Variants in DAB1 observed in about 807,000 individuals in gnomAD.
DAB1 encodes DAB adaptor protein 1, also known as disabled homolog 1.
In DAB1, 15 loss-of-function variants were observed where a neutral mutation model predicts 64.6. That is an observed-to-expected ratio of 0.23 (90% CI 0.16 to 0.36). The LOEUF is 0.36. Ranked by LOEUF, DAB1 falls within the 10% of genes least tolerant of loss-of-function variation. The probability of loss-of-function intolerance (pLI) is 1.00; values close to 1 mark genes in which losing one functional copy is unlikely to be tolerated. For synonymous variants in DAB1, 235 were observed against 251.9 expected (o/e 0.93, Z 0.64); for missense variants, 596 against 706.7 (o/e 0.84, Z 1.78).
intron 1 of DAB1, among the ~76,000 whole-genome samples, chr1:58,538,205 G>C (rs748457284): frequency 1.3e-5 from 2 of 152,000 alleles, no homozygotes; most frequent in Non-Finnish European, 2.9e-5. Flanking sequence ...ACAAACAAGA[G>C]AAAAAGGGTT....
intron 1 of DAB1, among the ~76,000 whole-genome samples, chr1:58,536,902 A>G (rs1372260860): frequency 6.6e-6 from 1 of 152,208 alleles, no homozygotes; most frequent in Non-Finnish European, 1.5e-5. Context: ...TCTTAGCTAA[A>G]TGATGAAAAA....
chr1:57,576,269 T>C (rs1039132849), intron 7 of DAB1, among the ~76,000 whole-genome samples: 1 of 152,160 alleles, frequency 6.6e-6, no homozygotes, highest in Non-Finnish European at 1.5e-5. Flanking sequence ...TGAGATTTGG[T>C]AGGTTAGGTG....
At chr1:57,562,387 C>T (rs1258975232) in intron 7 of DAB1, among the ~76,000 whole-genome samples, 1 of 152,078 alleles carries the variant, frequency 6.6e-6, no homozygotes, top group Non-Finnish European at 1.5e-5. Context: ...AAAACAAAAA[C>T]AAAACAAAAC....
chr1:58,216,492 G>A (rs574845540), intron 4 of DAB1, among the ~76,000 whole-genome samples: 55 of 152,236 alleles, frequency 3.6e-4, no homozygotes, highest in African/African-American at 1.3e-3. Context: ...ATAAACATAT[G>A]TGTGCATGTG....
At chr1:58,404,856 C>G (rs1644602070) in intron 3 of DAB1, among the ~76,000 whole-genome samples, 1 of 152,170 alleles carries the variant, frequency 6.6e-6, no homozygotes, top group South Asian at 2.1e-4. Flanking sequence ...AGTCCATCCA[C>G]TCTCCTTCCT....
chr1:57,110,476 T>C (rs1655555645), intron 4 of DAB1, among the ~76,000 whole-genome samples: 1 of 152,232 alleles, frequency 6.6e-6, no homozygotes, highest in African/African-American at 2.4e-5. Context: ...GTAAATTCAT[T>C]CAGTGACAAC....
At chr1:58,480,848 T>C (rs1465513701) in intron 3 of DAB1, 6 of 648,434 alleles carry the variant, frequency 9.3e-6, no homozygotes, top group African/African-American at 9.1e-5. Flanking sequence ...GTAATGTACA[T>C]GATTTGACCC....
chr1:58,314,024 A>T (rs1662493935), intron 4 of DAB1, among the ~76,000 whole-genome samples: 1 of 152,018 alleles, frequency 6.6e-6, no homozygotes, highest in Admixed American at 6.6e-5. Flanking sequence ...CTAACCTAAT[A>T]TCATAATTTT....
Position 58,164,379 on chromosome 1 carries a change from A to G in DAB1, n.310-13791T>C, listed in dbSNP as rs138398640. Among the ~76,000 whole-genome samples the G allele has an allele frequency of 4.5e-4, 69 of 152,304 alleles. 1 individual carries two copies. The highest frequency in any genetic ancestry group is 1.5e-3 in the African/African-American group (64 of 41,554). ...TTGGGAGATACTGAAATCAGTGGTG[A>G]GTATGTGTCAGCAAAGAACATATCA... On this transcript the variant is annotated intron_variant and non_coding_transcript_variant, in intron 4 of 20. Transcript: ENST00000485760.
In DAB1 at chr1:57,701,434, C is replaced by G. The variant is rs540084851; in HGVS notation, n.552-51769G>C. On this transcript the variant is annotated intron_variant and non_coding_transcript_variant, in intron 6 of 20. Coordinates refer to the DAB1 transcript ENST00000485760. ...ATGGATGAAGCTGAAAACCATCATT[C>G]TCAGCAAACTATCGCAAGGACAAAA... 2.1e-3 allele frequency among the ~76,000 whole-genome samples: 325 copies of G among 152,192 alleles called. 1 individual carries two copies. Among genetic ancestry groups the G allele is most frequent in the African/African-American group, 7.2e-3 (300 of 41,526 alleles).
chr1:57,589,762 G>GA (rs1645422121), intron 7 of DAB1, among the ~76,000 whole-genome samples: 1 of 150,684 alleles, frequency 6.6e-6, no homozygotes, highest in African/African-American at 2.4e-5. Flanking sequence ...GTCTCAAGAA[G>GA]AAAAAAAAGC....
rs138715325 is a variant in DAB1 at position 57,747,311 on chromosome 1, T to C, written n.552-97646A>G. Reference sequence around the variant, plus strand: ...GTTGTCCTTCTCCTTCCTGTCCTCTTTGTACCCTTATCCATAACTTTCTTG... The same window carrying C: ...GTTGTCCTTCTCCTTCCTGTCCTCTCTGTACCCTTATCCATAACTTTCTTG... On this transcript the variant is annotated intron_variant and non_coding_transcript_variant, in intron 6 of 20. Transcript: ENST00000485760. Among the ~76,000 whole-genome samples the C allele has an allele frequency of 9.8e-4, 150 of 152,330 alleles. 1 individual carries two copies. The highest frequency in any genetic ancestry group is 3.5e-3 in the African/African-American group (146 of 41,574).
chr1:58,126,821 G>A (rs1414433685), intron 5 of DAB1, among the ~76,000 whole-genome samples: 1 of 150,610 alleles, frequency 6.6e-6, no homozygotes, highest in East Asian at 2.0e-4. Context: ...GTATTCCATG[G>A]TGTATATGTG....
chr1:58,013,669 C>T (rs1010800682), intron 5 of DAB1, among the ~76,000 whole-genome samples: 1 of 152,158 alleles, frequency 6.6e-6, no homozygotes, highest in African/African-American at 2.4e-5. Flanking sequence ...ACCTTGGTCC[C>T]ATTGCATCCA....
intron 10 of DAB1, among the ~76,000 whole-genome samples, chr1:57,024,269 G>C (rs1378861010): frequency 6.6e-6 from 1 of 151,256 alleles, no homozygotes; most frequent in African/African-American, 2.4e-5. Context: ...AACAATGCTT[G>C]CACCACTGAA....
intron 2 of DAB1, chr1:58,506,270 A>C: frequency 1.3e-6 from 1 of 764,544 alleles, no homozygotes; most frequent in Non-Finnish European, 2.2e-6. Context: ...TTTAAAAACT[A>C]CTACTTTATT....
At chr1:57,439,682 C>A (rs1176689981) in intron 7 of DAB1, among the ~76,000 whole-genome samples, 1 of 149,598 alleles carries the variant, frequency 6.7e-6, no homozygotes, top group Non-Finnish European at 1.5e-5. Context: ...CTGCCTCGGC[C>A]TCCCAAAGTG....
At chr1:58,338,490 T>G (rs1472290713) in intron 4 of DAB1, among the ~76,000 whole-genome samples, 1 of 152,246 alleles carries the variant, frequency 6.6e-6, no homozygotes, top group Non-Finnish European at 1.5e-5. Flanking sequence ...CCCTATTATT[T>G]AAGAAATTTC....
At chr1:57,473,900 G>A (rs1643898477) in intron 7 of DAB1, among the ~76,000 whole-genome samples, 1 of 151,882 alleles carries the variant, frequency 6.6e-6, no homozygotes, top group Non-Finnish European at 1.5e-5. Context: ...TTAAAGACAG[G>A]GTGCCCATAG....
Sources: allele counts gnomAD v4.1 joint callset (sites outside exome capture counted in the v4.1 genomes callset), GRCh38; gene constraint gnomAD v4.1.1; transcripts MANE v1.5; gene names NCBI Gene and HGNC (gene_info 2026-07-23, HGNC 2026-07-21).